Variants in STXBP6 observed in about 807,000 individuals in gnomAD.
STXBP6 encodes syntaxin-binding protein 6.
STXBP6 carries 21 observed loss-of-function variants against 26.9 expected under a neutral mutation model. The observed-to-expected ratio is 0.78, with a 90% CI of 0.55 to 1.12. The LOEUF is 1.12. Among genes scored for constraint, STXBP6 ranks in the 50% most tolerant of loss-of-function variants. The pLI is 0.00. For missense variants in STXBP6, 232 were observed against 257.9 expected (o/e 0.90, Z 0.69); for synonymous variants, 97 against 92.6 (o/e 1.05, Z -0.27).
intron 2 of STXBP6, among the ~76,000 whole-genome samples, chr14:24,942,632 T>C (rs1388233745): frequency 6.6e-6 from 1 of 152,358 alleles, no homozygotes; most frequent in East Asian, 1.9e-4. Flanking sequence ...GGTCTGATCT[T>C]TTATTCAGCA....
intron 2 of STXBP6, among the ~76,000 whole-genome samples, chr14:24,909,409 T>G (rs981902711): frequency 6.6e-6 from 1 of 152,206 alleles, no homozygotes; most frequent in African/African-American, 2.4e-5. Context: ...TGTCCAGGGA[T>G]TAACTGCAAT....
intron 4 of STXBP6, among the ~76,000 whole-genome samples, chr14:24,842,326 C>T (rs914202071): frequency 4.6e-5 from 7 of 152,220 alleles, no homozygotes; most frequent in Non-Finnish European, 7.3e-5. Flanking sequence ...TGCATGGGTG[C>T]ACTTGTAGTC....
intron 4 of STXBP6, among the ~76,000 whole-genome samples, chr14:24,850,759 C>T (rs777070039): frequency 6.6e-6 from 1 of 152,110 alleles, no homozygotes; most frequent in African/African-American, 2.4e-5. Flanking sequence ...ATTTACATAG[C>T]GCTGAGTAAA....
At chr14:24,825,631 G>GCCTACTC (rs2068258872) in intron 4 of STXBP6, among the ~76,000 whole-genome samples, 1 of 152,162 alleles carries the variant, frequency 6.6e-6, no homozygotes, top group South Asian at 2.1e-4. Context: ...TGGAACACCA[G>GCCTACTC]CCTACTCCCA....
intron 2 of STXBP6, among the ~76,000 whole-genome samples, chr14:24,885,763 A>C (rs573461381): frequency 6.6e-6 from 1 of 152,376 alleles, no homozygotes; most frequent in East Asian, 1.9e-4. Flanking sequence ...AGGTTAAAAG[A>C]ACCCTAAAGA....
chr14:24,835,826 C>T (rs1280481807), intron 4 of STXBP6, among the ~76,000 whole-genome samples: 1 of 152,174 alleles, frequency 6.6e-6, no homozygotes, highest in Non-Finnish European at 1.5e-5. Flanking sequence ...TGCCATTTTC[C>T]TTTTCTCTTA....
At chr14:25,001,179 A>G (rs1009045161) in intron 1 of STXBP6, among the ~76,000 whole-genome samples, 2 of 152,208 alleles carry the variant, frequency 1.3e-5, no homozygotes, top group African/African-American at 4.8e-5. Flanking sequence ...TTTGATGATT[A>G]GATCCTTCTC....
intron 1 of STXBP6, among the ~76,000 whole-genome samples, chr14:24,980,385 G>C (rs1230309283): frequency 6.6e-6 from 1 of 152,168 alleles, no homozygotes; most frequent in African/African-American, 2.4e-5. Flanking sequence ...GAAAGCTTTA[G>C]TCTTTCCATG....
At chr14:25,013,380 G>A (rs2075074587) in intron 1 of STXBP6, among the ~76,000 whole-genome samples, 1 of 151,770 alleles carries the variant, frequency 6.6e-6, no homozygotes, top group South Asian at 2.1e-4. Context: ...ATGGAGAAAT[G>A]ATTGACATGA....
intron 1 of STXBP6, among the ~76,000 whole-genome samples, chr14:25,026,910 G>A (rs147698473): frequency 2.0e-5 from 3 of 152,292 alleles, no homozygotes; most frequent in African/African-American, 7.2e-5. Flanking sequence ...GGAACCACCA[G>A]GTGAGAAAAG....
chr14:24,900,310 T>A (rs1467669694), intron 2 of STXBP6, among the ~76,000 whole-genome samples: 1 of 152,130 alleles, frequency 6.6e-6, no homozygotes, highest in Non-Finnish European at 1.5e-5. Context: ...CAGGGAAATG[T>A]CCTCATCAAA....
chr14:24,829,550 G>T (rs2068392923), intron 4 of STXBP6, among the ~76,000 whole-genome samples: 1 of 152,048 alleles, frequency 6.6e-6, no homozygotes, highest in South Asian at 2.1e-4. Context: ...CTCTTTTCTT[G>T]CCTCTGAGAC....
chr14:24,894,007 G>A (rs1170157216), intron 2 of STXBP6, among the ~76,000 whole-genome samples: 2 of 151,948 alleles, frequency 1.3e-5, no homozygotes, highest in Non-Finnish European at 2.9e-5. Context: ...TCAGGGAAAA[G>A]AAAAAAACAT....
At chr14:24,986,004 T>C (rs376836674) in intron 1 of STXBP6, among the ~76,000 whole-genome samples, 8 of 152,156 alleles carry the variant, frequency 5.3e-5, no homozygotes, top group African/African-American at 1.9e-4. Flanking sequence ...CAGAGAAACA[T>C]GAAATGATAA....
intron 2 of STXBP6, among the ~76,000 whole-genome samples, chr14:24,875,835 A>G (rs1176989694): frequency 6.6e-6 from 1 of 152,156 alleles, no homozygotes; most frequent in African/African-American, 2.4e-5. Flanking sequence ...AGGGGAAATG[A>G]GTTGAGGGGT....
chr14:24,958,380 C>CT (rs973442071), intron 2 of STXBP6, among the ~76,000 whole-genome samples: 20 of 152,062 alleles, frequency 1.3e-4, no homozygotes, highest in Admixed American at 5.9e-4. Flanking sequence ...TGCTTGTGAC[C>CT]TATAAGGTAT....
chr14:25,024,030 C>A (rs1328700744), intron 1 of STXBP6, among the ~76,000 whole-genome samples: 1 of 152,092 alleles, frequency 6.6e-6, no homozygotes, highest in Non-Finnish European at 1.5e-5. Context: ...CACATCTTGG[C>A]CGGGCGTGGT....
At position 24,846,872 on chromosome 14, in the gene STXBP6, A is replaced by G. The variant is rs117533673; in HGVS notation, c.451+9064T>C. 4.4e-3 allele frequency among the ~76,000 whole-genome samples: 663 copies of G among 152,286 alleles called. 1 individual carries two copies. Among genetic ancestry groups the G allele is most frequent in the Non-Finnish European group, 7.0e-3 (477 of 68,008 alleles). ...CTTTAATGATCAGAAACATGGTTAA[A>G]ATTTTTAGAAGTTTATCATATAATG... is the stretch of plus-strand genomic sequence containing the variant. On this transcript the variant is annotated intron_variant, in intron 4 of 5. Coordinates refer to ENST00000323944, the MANE Select transcript of STXBP6 (RefSeq NM_001394410.1).
chr14:24,959,956 T>A (rs140456225), intron 2 of STXBP6, among the ~76,000 whole-genome samples: 346 of 152,334 alleles, frequency 2.3e-3, no homozygotes, highest in South Asian at 8.1e-3. Context: ...GATGTTTACA[T>A]CTAGTCCAAA....
Sources: allele counts gnomAD v4.1 joint callset (sites outside exome capture counted in the v4.1 genomes callset), GRCh38; gene constraint gnomAD v4.1.1; transcripts MANE v1.5; gene names NCBI Gene and HGNC (gene_info 2026-07-23, HGNC 2026-07-21).